The following CPNE8 variants were observed in gnomAD, a reference collection of about 807,000 sequenced individuals.
CPNE8 encodes copine 8.
Under a neutral mutation model 81.5 loss-of-function variants are expected in CPNE8, and 45 were observed. That is an observed-to-expected ratio of 0.55 (90% CI 0.44 to 0.71). The LOEUF (loss-of-function observed/expected upper bound fraction) is 0.71. Among genes scored for constraint, CPNE8 ranks in the 30% least tolerant of loss-of-function variants. The pLI is 0.00. For synonymous variants in CPNE8, 252 were observed against 226.3 expected, an observed-to-expected ratio of 1.11 and a Z score of -1.02; for missense variants, 594 against 672.1, an observed-to-expected ratio of 0.88 and a Z score of 1.28.
chr12:38,793,310 T>C (rs1177675111), intron 6 of CPNE8, among the ~76,000 whole-genome samples: 1 of 140,410 alleles, frequency 7.1e-6, no homozygotes, highest in East Asian at 2.0e-4. Context: ...TCATGCATTA[T>C]GTAGAAAATT....
intron 4 of CPNE8, among the ~76,000 whole-genome samples, chr12:38,845,897 A>G (rs971676610): frequency 4.6e-5 from 7 of 152,142 alleles, no homozygotes; most frequent in Non-Finnish European, 5.9e-5. Context: ...TAAAATGGAG[A>G]TGTTCTTTGA....
chr12:38,782,752 C>A (rs1294967377), intron 6 of CPNE8, among the ~76,000 whole-genome samples: 1 of 151,832 alleles, frequency 6.6e-6, no homozygotes, highest in Non-Finnish European at 1.5e-5. Flanking sequence ...GTGATCAGAG[C>A]TCACTTAAGC....
At chr12:38,702,145 GA>G (rs775058882) in intron 14 of CPNE8, among the ~76,000 whole-genome samples, 3 of 151,356 alleles carry the variant, frequency 2.0e-5, no homozygotes, top group Admixed American at 2.0e-4. Context: ...CCATTTGAAA[GA>G]AAAAAAAGAC....
intron 19 of CPNE8, among the ~76,000 whole-genome samples, chr12:38,657,250 C>T (rs1408229831): frequency 6.6e-6 from 1 of 152,182 alleles, no homozygotes; most frequent in African/African-American, 2.4e-5. Flanking sequence ...TGGTGGGTCC[C>T]ATTCCCACAG....
At position 38,905,472 on chromosome 12, in the gene CPNE8, G is replaced by C. The variant is rs1483650907; in HGVS notation, c.63C>G (p.Ile21Met). 1 of 1,575,210 alleles carries C rather than the reference G, an allele frequency of 6.3e-7. No homozygotes were observed. Among genetic ancestry groups the C allele is most frequent in the Admixed American group, 1.8e-5 (1 of 54,148 alleles). Reference sequence around the variant, plus strand: ...CGGACACCTCCACCCGCGTGGCCGGGATGGCAGCGCTCAGCTGGTTCAAGT... The same window carrying C: ...CGGACACCTCCACCCGCGTGGCCGGCATGGCAGCGCTCAGCTGGTTCAAGT... ...IGDLNQLSAA[I>M]PATRVEVSVS... Residue 21 changes from isoleucine to methionine, a missense_variant, in exon 1 of 20, where the codon ATC (isoleucine) becomes ATG (methionine). By Grantham distance (10) the Ile-to-Met change is conservative. Transcript: ENST00000331366.
At chr12:38,692,123 C>G (rs929243491) in intron 15 of CPNE8, among the ~76,000 whole-genome samples, 5 of 152,068 alleles carry the variant, frequency 3.3e-5, no homozygotes, top group African/African-American at 1.2e-4. Flanking sequence ...GAAACCCCAT[C>G]TCTACTAAAA....
intron 6 of CPNE8, among the ~76,000 whole-genome samples, chr12:38,777,303 G>T (rs917716907): frequency 6.6e-6 from 1 of 152,052 alleles, no homozygotes. Flanking sequence ...ACAGAAAAAA[G>T]ATTACTGAAT....
intron 15 of CPNE8, among the ~76,000 whole-genome samples, chr12:38,686,028 C>T (rs1939527775): frequency 6.6e-6 from 1 of 152,118 alleles, no homozygotes; most frequent in Admixed American, 6.5e-5. Context: ...GGTTAGATAA[C>T]TGATAACTTT....
At chr12:38,821,620 A>G (rs758489333) in intron 6 of CPNE8, among the ~76,000 whole-genome samples, 44 of 152,124 alleles carry the variant, frequency 2.9e-4, no homozygotes, top group Non-Finnish European at 5.6e-4. Context: ...TTTGTAAAAA[A>G]CTCATTCATT....
chr12:38,658,751 T>C (rs1938883987), intron 19 of CPNE8, among the ~76,000 whole-genome samples: 3 of 152,250 alleles, frequency 2.0e-5, no homozygotes, highest in African/African-American at 7.2e-5. Context: ...TATTCAACAT[T>C]CTTAAAGAAA....
intron 6 of CPNE8, among the ~76,000 whole-genome samples, chr12:38,776,956 T>G (rs1397948819): frequency 6.6e-6 from 1 of 152,024 alleles, no homozygotes; most frequent in East Asian, 1.9e-4. Flanking sequence ...ACATCAAATA[T>G]GTTACTGTTT....
chr12:38,886,312 G>A lies in CPNE8; in HGVS notation c.99-11801C>T, dbSNP rs151250359. ...ATCTGTAAAAAAGGAGATGATCATA[G>A]TATCCTCCTCATAGAGTTGTTTGAG... On this transcript the variant is annotated intron_variant, in intron 1 of 19. Coordinates refer to ENST00000331366, the MANE Select transcript of CPNE8 (RefSeq NM_153634.3). Among the ~76,000 whole-genome samples the A allele has an allele frequency of 1.8e-3, 281 of 152,282 alleles. 1 individual carries two copies. Among genetic ancestry groups the A allele is most frequent in the South Asian group, 6.0e-3 (29 of 4,834 alleles).
At chr12:38,654,514 C>CAA (rs71068569) in intron 19 of CPNE8, among the ~76,000 whole-genome samples, 28,364 of 97,136 alleles carry the variant, frequency 0.29, 5,145 homozygotes, top group Non-Finnish European at 0.38. Context: ...GACTCTGTCT[C>CAA]AAAAAAAAAA....
intron 5 of CPNE8, among the ~76,000 whole-genome samples, chr12:38,839,611 T>G (rs1317530791): frequency 6.6e-6 from 1 of 152,094 alleles, no homozygotes; most frequent in Admixed American, 6.6e-5. Context: ...AAAAGACACT[T>G]GCAATTTCAT....
At chr12:38,824,114 T>C (rs962376161) in intron 6 of CPNE8, among the ~76,000 whole-genome samples, 4 of 152,154 alleles carry the variant, frequency 2.6e-5, no homozygotes, top group African/African-American at 9.7e-5. Context: ...ATTGCAAAAA[T>C]CTTAAGCTGC....
At chr12:38,658,523 A>C (rs1938877198) in intron 19 of CPNE8, among the ~76,000 whole-genome samples, 1 of 152,206 alleles carries the variant, frequency 6.6e-6, no homozygotes, top group African/African-American at 2.4e-5. Flanking sequence ...AGGCAAGCCA[A>C]CATTCAAATT....
intron 1 of CPNE8, among the ~76,000 whole-genome samples, chr12:38,890,479 C>T (rs561371553): frequency 6.6e-6 from 1 of 152,148 alleles, no homozygotes; most frequent in African/African-American, 2.4e-5. Context: ...TGTTTTCCAT[C>T]TTCTCATCCT....
At chr12:38,702,109 A>T (rs182586513) in intron 14 of CPNE8, among the ~76,000 whole-genome samples, 12 of 152,336 alleles carry the variant, frequency 7.9e-5, no homozygotes, top group African/African-American at 2.6e-4. Flanking sequence ...TAAAAAGAAT[A>T]TAAAGTGGGA....
chr12:38,715,602 TA>T (rs1170970731), intron 13 of CPNE8, among the ~76,000 whole-genome samples: 1 of 151,898 alleles, frequency 6.6e-6, no homozygotes, highest in African/African-American at 2.4e-5. Context: ...TGCTTTATGA[TA>T]AAAATCCCTC....
Sources: allele counts gnomAD v4.1 joint callset (sites outside exome capture counted in the v4.1 genomes callset), GRCh38; gene constraint gnomAD v4.1.1; transcripts MANE v1.5; gene names NCBI Gene and HGNC (gene_info 2026-07-23, HGNC 2026-07-21).